Variants in DZIP1 observed in about 807,000 individuals in gnomAD.
DZIP1 encodes DAZ interacting zinc finger protein 1, also known as cilium assembly protein DZIP1.
In DZIP1, 97 loss-of-function variants were observed where a neutral mutation model predicts 107.6. That is an observed-to-expected ratio of 0.90 (90% confidence interval 0.77 to 1.07). The LOEUF (loss-of-function observed/expected upper bound fraction) is 1.07. DZIP1 is among the 50% of genes least tolerant of loss of function. The pLI, the probability that DZIP1 is intolerant of heterozygous loss-of-function variation, is 0.00. For missense variants in DZIP1, 1,035 were observed against 1,063.6 expected, an observed-to-expected ratio of 0.97 and a Z score of 0.37; for synonymous variants, 390 against 386.4, an observed-to-expected ratio of 1.01 and a Z score of -0.11.
At chr13:95,629,716 T>G (rs1209581851) in intron 7 of DZIP1, among the ~76,000 whole-genome samples, 1 of 152,224 alleles carries the variant, frequency 6.6e-6, no homozygotes, top group Non-Finnish European at 1.5e-5. Flanking sequence ...ATGAGAAGTG[T>G]CAGACTTCTG....
At chr13:95,608,454 T>C (rs2044856195) in intron 13 of DZIP1, among the ~76,000 whole-genome samples, 1 of 151,330 alleles carries the variant, frequency 6.6e-6, no homozygotes, top group Non-Finnish European at 1.5e-5. Context: ...TGGGTTTTTT[T>C]TTTTTTTGGT....
chr13:95,602,536 TGTCATTACCCAGTG>T (rs2044646845), intron 14 of DZIP1, among the ~76,000 whole-genome samples: 1 of 152,192 alleles, frequency 6.6e-6, no homozygotes, highest in Admixed American at 6.5e-5. Context: ...GGTCCACAGT[TGTCATTACCCAGTG>T]GTCAGTGAAG....
chr13:95,640,458 C>G (rs1226141861), intron 5 of DZIP1, among the ~76,000 whole-genome samples: 1 of 152,058 alleles, frequency 6.6e-6, no homozygotes, highest in South Asian at 2.1e-4. Flanking sequence ...CATAGTCAGC[C>G]GAAAGGACTA....
In DZIP1 at chr13:95,621,223, C is replaced by T. The variant is rs1047179967; in HGVS notation, c.1110+1120G>A. On this transcript the variant is annotated intron_variant, in intron 9 of 22. Coordinates refer to ENST00000376829, the MANE Select transcript of DZIP1 (RefSeq NM_198968.4). ...GGACAGGCAGGAAAGCAGCCAGAAC[C>T]GAGGAAAAAGACAGAAGGGCATGTT... Among the ~76,000 whole-genome samples, 10 of 152,230 alleles carry T rather than the reference C, an allele frequency of 6.6e-5. No individual in the cohort carries two copies. The East Asian group carries it at 1.7e-3, about 26-fold the overall frequency.
rs752182128 is a variant in DZIP1 at position 95,624,824 on chromosome 13, C to T, written c.916G>A (p.Glu306Lys). ...TCTTTAAATTCCTTCATAAACATCT[C>T]CTTGACTTTTTCCATTTCATCAACT... ...KLVDEMEKVKEMFMKEFKELT... is the reference protein window; with the variant it reads ...KLVDEMEKVKKMFMKEFKELT... Residue 306 changes from glutamate to lysine, a missense_variant, in exon 8 of 23, where the codon GAG (glutamate) becomes AAG (lysine). Transcript: ENST00000376829. 3.7e-6 allele frequency: 6 copies of T among 1,611,158 alleles called. No homozygotes were observed. The East Asian group carries it at 1.1e-4, about 30-fold the overall frequency.
chr13:95,582,427 C>A, intron 22 of DZIP1, 114 bp from the exon 23 acceptor site: 1 of 894,196 alleles, frequency 1.1e-6, no homozygotes. Flanking sequence ...GTGTCTAAAT[C>A]TGTTCATGAA....
At chr13:95,628,920 C>G (rs1208575602) in intron 7 of DZIP1, among the ~76,000 whole-genome samples, 2 of 152,184 alleles carry the variant, frequency 1.3e-5, no homozygotes, top group Non-Finnish European at 2.9e-5. Flanking sequence ...CAATACAAAA[C>G]AGTTCTGGAG....
chr13:95,608,316 AAAT>A (rs1379991457), intron 13 of DZIP1, among the ~76,000 whole-genome samples: 1 of 152,066 alleles, frequency 6.6e-6, no homozygotes, highest in Non-Finnish European at 1.5e-5. Flanking sequence ...TTAAAACAAA[AAAT>A]GAAAAAATTA....
intron 12 of DZIP1, among the ~76,000 whole-genome samples, chr13:95,611,194 T>C (rs1330384711): frequency 6.6e-6 from 1 of 152,180 alleles, no homozygotes; most frequent in Non-Finnish European, 1.5e-5. Context: ...AGGTATTATG[T>C]GCCTAATAGT....
chr13:95,607,791 C>T (rs1328398884), intron 13 of DZIP1, among the ~76,000 whole-genome samples: 1 of 152,160 alleles, frequency 6.6e-6, no homozygotes, highest in Non-Finnish European at 1.5e-5. Flanking sequence ...CTCTAAACTA[C>T]AGAATTCATT....
Position 95,641,849 on chromosome 13 carries a change from G to A in DZIP1, c.43C>T (p.Gln15Ter). The change falls in exon 5 of 23, where the codon CAG (glutamine) becomes TAG (stop). Residue 15 changes from glutamine (Q) to a stop codon, truncating the protein, a stop_gained. Coordinates refer to ENST00000376829, the MANE Select transcript of DZIP1 (RefSeq NM_198968.4). LOFTEE classifies it high-confidence loss of function. This position sits in a 1 kb window ranked among gnomAD's most constrained non-coding sequence, Gnocchi z 4.3. Reference protein sequence around the residue: ...AADWFSSMPFQKHVYYPLASG... With the variant: ...AADWFSSMPF ...GCGAGCGGGTAGTAGACATGCTTCTGGAAGGGCTGCGGGGGGCACAAAGAG... is the reference window on the plus strand; with the variant it reads ...GCGAGCGGGTAGTAGACATGCTTCTAGAAGGGCTGCGGGGGGCACAAAGAG... 3.5e-6 allele frequency: 5 copies of A among 1,448,748 alleles called. No homozygotes were observed. Among genetic ancestry groups the A allele is most frequent in the Non-Finnish European group, 4.5e-6 (5 of 1,108,944 alleles). The allele number at this position is 1,448,748 out of a possible 1,614,324, so 89.7% of individuals were successfully genotyped here.
chr13:95,587,845 C>T (rs1176514210), intron 19 of DZIP1, 116 bp from the exon 20 acceptor site: 4 of 1,291,052 alleles, frequency 3.1e-6, no homozygotes, highest in Non-Finnish European at 4.2e-6. Flanking sequence ...TCTCAGTGGG[C>T]ACAAGTGCCT....
rs769701794 is a variant in DZIP1, at chr13:95,641,547, C to A, written c.345G>T (p.Pro115=). 8 of 1,613,802 alleles carry A rather than the reference C, an allele frequency of 5.0e-6. No homozygotes were observed. The highest frequency in any genetic ancestry group is 1.3e-5 in the African/African-American group (1 of 74,948). Residue 115 remains proline, a synonymous_variant, in exon 5 of 23, where the codon CCG becomes CCT. Transcript: ENST00000376829. This position sits in a 1 kb window ranked among gnomAD's most constrained non-coding sequence, Gnocchi z 4.3. ...CCAGACGGATGAGCTTCAGCAGCAC[C>A]GGGTCCACCCCCGACTGGCAGTGTG... is the stretch of plus-strand genomic sequence containing the variant. ...KCPHCQSGVD[P]VLLKLIRLAQ...
In DZIP1 at chr13:95,609,527, A is replaced by G. The variant is rs2044910283; in HGVS notation, c.1364-14T>C. ...CTAAAGGATTTCCTGAAATGACAGA[A>G]AAATAAATGAACAAAAAACATCACA... On this transcript the variant is annotated splice_polypyrimidine_tract_variant and intron_variant, in intron 12 of 22. Transcript: ENST00000376829. 1.3e-6 allele frequency: 2 copies of G among 1,570,934 alleles called. No individual in the cohort carries two copies. The highest frequency in any genetic ancestry group is 1.4e-5 in the African/African-American group (1 of 72,986).
chr13:95,595,084 A>T (rs2044408249), intron 15 of DZIP1, among the ~76,000 whole-genome samples: 1 of 152,252 alleles, frequency 6.6e-6, no homozygotes. Flanking sequence ...ATCTCCTAAC[A>T]GGGGCATTTT....
chr13:95,590,070 G>T, intron 17 of DZIP1, 138 bp from the exon 18 acceptor site: 1 of 1,251,898 alleles, frequency 8.0e-7, no homozygotes, highest in Non-Finnish European at 1.1e-6. Context: ...CAGACTCTAG[G>T]GTTGTTGTTT....
intron 14 of DZIP1, among the ~76,000 whole-genome samples, chr13:95,603,466 A>T (rs572405598): frequency 6.6e-6 from 1 of 152,280 alleles, no homozygotes; most frequent in Non-Finnish European, 1.5e-5. Context: ...AGGTGCCCAC[A>T]GACTTTGGGA....
intron 10 of DZIP1, among the ~76,000 whole-genome samples, chr13:95,616,258 G>T (rs1875053822): frequency 6.6e-6 from 1 of 152,176 alleles, no homozygotes; most frequent in Non-Finnish European, 1.5e-5. Context: ...GTGCAGGGTG[G>T]AAACGTGGAC....
intron 7 of DZIP1, among the ~76,000 whole-genome samples, chr13:95,629,442 G>A (rs12583161): frequency 0.36 from 54,182 of 152,062 alleles, 11,097 homozygotes; most frequent in South Asian, 0.47. Context: ...GAAACAGATC[G>A]GAAGCATGAG....
Sources: gnomAD v4.1 joint callset for allele counts (sites outside exome capture counted in the v4.1 genomes callset) on GRCh38, gnomAD v4.1.1 for gene constraint, Gnocchi (gnomAD v3.1) non-coding constraint, MANE v1.5 for transcripts, NCBI Gene and HGNC (gene_info 2026-07-23, HGNC 2026-07-21) for gene names.